LRGUK: variants seen among roughly 807,000 people sequenced by gnomAD.
LRGUK encodes leucine-rich repeat and guanylate kinase domain-containing protein.
Under a neutral mutation model 76.0 loss-of-function variants are expected in LRGUK, and 65 were observed. That is an observed-to-expected ratio of 0.85 (90% CI 0.70 to 1.05). The LOEUF (loss-of-function observed/expected upper bound fraction) is 1.05. Among genes scored for constraint, LRGUK ranks in the 50% least tolerant of loss-of-function variants. LRGUK has a pLI of 0.00. For synonymous variants in LRGUK, 268 were observed against 265.6 expected (o/e 1.01, Z -0.09); for missense variants, 758 against 732.8 (o/e 1.03, Z -0.40).
chr7:134,213,712 A>G (rs563101428), downstream of LRGUK, among the ~76,000 whole-genome samples: 1 of 152,280 alleles, frequency 6.6e-6, no homozygotes, highest in South Asian at 2.1e-4. Flanking sequence ...CTAATGTCTC[A>G]GATTCAGTGG....
At chr7:134,178,469 T>G in intron 9 of LRGUK, 34 bp from the exon 10 acceptor site, 4 of 1,535,338 alleles carry the variant, frequency 2.6e-6, no homozygotes, top group Non-Finnish European at 3.6e-6. Context: ...AAACAAAACT[T>G]TTTTTCCCTT....
chr7:134,190,474 C>G (rs775482819), intron 11 of LRGUK, among the ~76,000 whole-genome samples: 12 of 152,198 alleles, frequency 7.9e-5, no homozygotes, highest in Non-Finnish European at 1.6e-4. Flanking sequence ...TCCCAAAGTA[C>G]AGGGATTGCA....
At chr7:134,185,299 G>A (rs1033179720) in intron 11 of LRGUK, among the ~76,000 whole-genome samples, 2 of 152,020 alleles carry the variant, frequency 1.3e-5, no homozygotes, top group Admixed American at 6.6e-5. Flanking sequence ...AGTGGCTCAC[G>A]CTTCTAATCC....
At chr7:134,263,428 T>G (rs1268231321) in intron 19 of LRGUK, among the ~76,000 whole-genome samples, 2 of 151,702 alleles carry the variant, frequency 1.3e-5, no homozygotes, top group Non-Finnish European at 2.9e-5. Context: ...TCTGTGTGCA[T>G]GTGTATGATT....
chr7:134,228,311 T>C (rs918416421), intron 16 of LRGUK, among the ~76,000 whole-genome samples: 2 of 152,116 alleles, frequency 1.3e-5, no homozygotes, highest in African/African-American at 2.4e-5. Flanking sequence ...ACAGAATTTG[T>C]CACAGGAAGC....
intron 16 of LRGUK, among the ~76,000 whole-genome samples, chr7:134,239,210 G>A (rs1802077648): frequency 1.3e-5 from 2 of 152,198 alleles, no homozygotes; most frequent in South Asian, 4.1e-4. Context: ...TCTTGCTGGG[G>A]CTTGTCAGAC....
intron 11 of LRGUK, among the ~76,000 whole-genome samples, 180 bp from the exon 12 acceptor site, chr7:134,191,475 G>C (rs1185028628): frequency 6.6e-6 from 1 of 152,162 alleles, no homozygotes; most frequent in East Asian, 1.9e-4. Context: ...AATCTTTATA[G>C]ATGATAGCAA....
At chr7:134,270,541 C>T in the LRGUK span, among the ~76,000 whole-genome samples, 1 of 151,994 alleles carries the variant, frequency 6.6e-6, no homozygotes, top group Admixed American at 6.6e-5. Context: ...GTTTTTTATC[C>T]TTCCCATGAA....
intron 11 of LRGUK, among the ~76,000 whole-genome samples, chr7:134,190,913 A>C (rs1445291756): frequency 6.7e-6 from 1 of 148,340 alleles, no homozygotes. Flanking sequence ...GTTGAGCGGT[A>C]AGCAGTTCTG....
chr7:134,266,241 A>G (rs926994577), downstream of LRGUK, among the ~76,000 whole-genome samples: 2 of 149,346 alleles, frequency 1.3e-5, no homozygotes, highest in African/African-American at 5.1e-5. Context: ...CACTCACCAT[A>G]TCAAGAATTA....
chr7:134,228,183 A>C (rs1305222183), intron 16 of LRGUK, among the ~76,000 whole-genome samples: 2 of 152,208 alleles, frequency 1.3e-5, no homozygotes, highest in Non-Finnish European at 2.9e-5. Context: ...GAACTCATGA[A>C]AGCCAGAAGA....
At chr7:134,203,274 T>G (rs1800863118) in intron 15 of LRGUK, among the ~76,000 whole-genome samples, 1 of 152,176 alleles carries the variant, frequency 6.6e-6, no homozygotes, top group African/African-American at 2.4e-5. Flanking sequence ...TTTAAAACTT[T>G]CCCTTGATGG....
Position 134,144,305 on chromosome 7 carries a change from T to G in LRGUK, c.588+1143T>G, listed in dbSNP as rs528033577. Among the ~76,000 whole-genome samples the G allele has an allele frequency of 2.0e-5, 3 of 152,212 alleles. No homozygotes were observed. In the East Asian group the frequency reaches 5.8e-4, roughly 29 times the overall value. ...CACGTGCCAAAACACCTGGCTAACTTTTTTGGTATTTTTTGTAGAGGCGGG... is the reference window on the plus strand; with the variant it reads ...CACGTGCCAAAACACCTGGCTAACTGTTTTGGTATTTTTTGTAGAGGCGGG... On this transcript the variant is annotated intron_variant, in intron 4 of 15. Transcript: ENST00000645682.
intron 15 of LRGUK, among the ~76,000 whole-genome samples, chr7:134,204,204 C>T (rs753816527): frequency 3.9e-5 from 6 of 152,216 alleles, no homozygotes; most frequent in Non-Finnish European, 8.8e-5. Flanking sequence ...GAGTCCGTCT[C>T]TGTATCTTTT....
chr7:134,192,239 C>G (rs1800286647), intron 12 of LRGUK, among the ~76,000 whole-genome samples: 1 of 152,030 alleles, frequency 6.6e-6, no homozygotes, highest in Admixed American at 6.5e-5. Flanking sequence ...ATGGCGTGTC[C>G]CATTTACTTG....
intron 5 of LRGUK, among the ~76,000 whole-genome samples, chr7:134,151,033 G>A (rs895434778): frequency 2.6e-5 from 4 of 152,152 alleles, no homozygotes; most frequent in African/African-American, 9.6e-5. Context: ...ATCTCTTGCA[G>A]TTTTGAAAAG....
intron 1 of LRGUK, among the ~76,000 whole-genome samples, chr7:134,135,801 G>A (rs183866331): frequency 3.9e-5 from 6 of 152,116 alleles, no homozygotes; most frequent in Non-Finnish European, 7.3e-5. Flanking sequence ...GACTCCAGGC[G>A]CCCGCCACCA....
chr7:134,258,691 G>A (rs12154724), intron 19 of LRGUK, among the ~76,000 whole-genome samples: 52,487 of 149,852 alleles, frequency 0.35, 11,116 homozygotes, highest in South Asian at 0.51. Flanking sequence ...GCAAAACTCC[G>A]TCTCAAAAAA....
exon 16 of LRGUK, chr7:134,221,885 T>C: frequency 6.3e-7 from 1 of 1,596,228 alleles, no homozygotes; most frequent in South Asian, 1.1e-5. Context: ...TCATTAAATT[T>C]TGGGCCAAAC....
Sources: gnomAD v4.1 joint callset for allele counts (sites outside exome capture counted in the v4.1 genomes callset) on GRCh38, gnomAD v4.1.1 for gene constraint, MANE v1.5 for transcripts, NCBI Gene and HGNC (gene_info 2026-07-23, HGNC 2026-07-21) for gene names.